Variants in ZNF713 observed in about 807,000 individuals in gnomAD.
ZNF713 encodes zinc finger protein 713.
ZNF713 carries 21 observed loss-of-function variants against 28.7 expected under a neutral mutation model. The observed-to-expected ratio is 0.73, with a 90% CI of 0.52 to 1.05. The LOEUF (loss-of-function observed/expected upper bound fraction) is 1.05. Ranked by LOEUF, ZNF713 falls within the 50% of genes least tolerant of loss-of-function variation. ZNF713 has a pLI of 0.00. For missense variants in ZNF713, 458 were observed against 532.4 expected (o/e 0.86, Z 1.37); for synonymous variants, 167 against 178.0 (o/e 0.94, Z 0.49).
intron 6 of ZNF713, chr7:55,924,761 G>C (rs575725599): frequency 7.2e-5 from 11 of 152,336 alleles, no homozygotes; most frequent in African/African-American, 2.6e-4. Context: ...TGTAGGCCCA[G>C]CTACTTGGGA....
At chr7:55,919,917 A>T (rs1050160728) in intron 4 of ZNF713, among the ~76,000 whole-genome samples, 21 of 151,946 alleles carry the variant, frequency 1.4e-4, no homozygotes, top group Admixed American at 1.1e-3. Context: ...CAGAACGTGC[A>T]AGTTTGTTAC....
chr7:55,932,728 C>CA (rs34244164), intron 6 of ZNF713, among the ~76,000 whole-genome samples: 3,171 of 145,812 alleles, frequency 0.022, 53 homozygotes, highest in African/African-American at 0.041. Context: ...ACTAAAAATA[C>CA]AAAAAATTAG....
At chr7:55,938,211 C>CA (rs1021551754) in intron 6 of ZNF713, among the ~76,000 whole-genome samples, 9 of 150,946 alleles carry the variant, frequency 6.0e-5, no homozygotes, top group Non-Finnish European at 8.9e-5. Flanking sequence ...GACTCCATCT[C>CA]AAAAAAACAA....
At chr7:55,898,431 C>G (rs1008739124) in intron 1 of ZNF713, among the ~76,000 whole-genome samples, 12 of 152,174 alleles carry the variant, frequency 7.9e-5, no homozygotes, top group Admixed American at 3.9e-4. Flanking sequence ...GATTCCTGTA[C>G]AGGCTGTACA....
Position 55,940,581 on chromosome 7 carries a change from A to T in ZNF713, c.*575A>T, listed in dbSNP as rs549417309. ...AATCTGATATAAAACTTTTTAAAAA[A>T]TCAGAAGTCCTTATCCAGGCATGGT... On this transcript the variant is annotated 3_prime_UTR_variant, in exon 7 of 7. Transcript: ENST00000429591. The T allele has an allele frequency of 2.0e-6, 2 of 978,644 alleles. No individual in the cohort carries two copies. The highest frequency in any genetic ancestry group is 1.0e-3 in the Middle Eastern group (2 of 1,906). 60.6% of individuals were successfully genotyped at this position (978,644 alleles called of 1,614,324 possible). A position where few individuals can be genotyped will look rare whatever the true frequency, so the allele number is the denominator to read the frequency against.
At chr7:55,927,059 T>A (rs967893758) in intron 6 of ZNF713, among the ~76,000 whole-genome samples, 1 of 152,104 alleles carries the variant, frequency 6.6e-6, no homozygotes. Context: ...GGAGAATCAC[T>A]TGAACCTGGG....
At chr7:55,905,653 C>CAGGGCACTCTAAACAAAATG (rs2116198539) in intron 1 of ZNF713, among the ~76,000 whole-genome samples, 1 of 152,204 alleles carries the variant, frequency 6.6e-6, no homozygotes, top group South Asian at 2.1e-4. Flanking sequence ...TTGCAGGGCG[C>CAGGGCACTCTAAACAAAATG]ACATGTTTAG....
At chr7:55,907,012 G>A (rs1785690873) in intron 2 of ZNF713, among the ~76,000 whole-genome samples, 1 of 152,122 alleles carries the variant, frequency 6.6e-6, no homozygotes, top group African/African-American at 2.4e-5. Flanking sequence ...TTAATTAAAA[G>A]CCTATATTTA....
In ZNF713 at chr7:55,892,202, C is replaced by T. The variant is rs1047869584; in HGVS notation, c.-583+4522C>T. On this transcript the variant is annotated intron_variant, in intron 1 of 6. Transcript: ENST00000429591. ...CTGAGGCTGGAGAATGGCGTGAACCCGGGAGGCGGAGTTTGCAGTGAGCCG... is the reference window on the plus strand; with the variant it reads ...CTGAGGCTGGAGAATGGCGTGAACCTGGGAGGCGGAGTTTGCAGTGAGCCG... Among the ~76,000 whole-genome samples the T allele has an allele frequency of 9.3e-5, 13 of 139,680 alleles. No homozygotes were observed. In the South Asian group the frequency reaches 2.2e-3, roughly 23 times the overall value. 91.6% of individuals were successfully genotyped at this position (139,680 alleles called of 152,430 possible). A position where few individuals can be genotyped will look rare whatever the true frequency, so the allele number is the denominator to read the frequency against.
At chr7:55,893,665 C>T (rs567934985) in intron 1 of ZNF713, among the ~76,000 whole-genome samples, 53 of 152,126 alleles carry the variant, frequency 3.5e-4, no homozygotes, top group South Asian at 6.2e-4. Flanking sequence ...CTGCAACCTC[C>T]GCCTCCCGGG....
intron 6 of ZNF713, among the ~76,000 whole-genome samples, chr7:55,935,699 A>C (rs1254054242): frequency 6.6e-6 from 1 of 152,152 alleles, no homozygotes; most frequent in Non-Finnish European, 1.5e-5. Flanking sequence ...CACGCCTGTA[A>C]TCCCAGCACT....
chr7:55,903,673 AAAAAAC>A (rs1469198126), intron 1 of ZNF713, among the ~76,000 whole-genome samples: 3 of 151,344 alleles, frequency 2.0e-5, no homozygotes, highest in African/African-American at 4.9e-5. Flanking sequence ...TCTTAAAAAA[AAAAAAC>A]AAAAAAAAAC....
In ZNF713 at chr7:55,908,326, A is replaced by G. The variant is rs565050861; in HGVS notation, c.-456+1947A>G. 9.9e-4 allele frequency among the ~76,000 whole-genome samples: 151 copies of G among 152,144 alleles called. 1 individual carries two copies. Among genetic ancestry groups the G allele is most frequent in the Non-Finnish European group, 1.9e-3 (128 of 67,976 alleles). On this transcript the variant is annotated intron_variant, in intron 2 of 6. Transcript: ENST00000429591. Reference sequence around the variant, plus strand: ...CCCGGCTAATTTTTGTATTTTTAGTAGAGACGGGGTTTCACCATGTTGGTC... The same window carrying G: ...CCCGGCTAATTTTTGTATTTTTAGTGGAGACGGGGTTTCACCATGTTGGTC...
intron 1 of ZNF713, among the ~76,000 whole-genome samples, chr7:55,903,720 A>G (rs894270370): frequency 6.6e-6 from 1 of 151,670 alleles, no homozygotes. Context: ...TAAATGAGCA[A>G]CCTCACCTGG....
At chr7:55,934,490 G>A (rs959331293) in intron 6 of ZNF713, among the ~76,000 whole-genome samples, 3 of 152,118 alleles carry the variant, frequency 2.0e-5, no homozygotes, top group Non-Finnish European at 4.4e-5. Context: ...GGTGAAATGA[G>A]TTACATTTCA....
chr7:55,909,909 TTTTTTTCTTATTTTTGA>T (rs527635496), intron 2 of ZNF713, among the ~76,000 whole-genome samples: 47 of 150,556 alleles, frequency 3.1e-4, no homozygotes, highest in African/African-American at 1.2e-3. Flanking sequence ...ATTCTTTTAC[TTTTTTTCTTATTTTTGA>T]ATATATGTAT....
intron 4 of ZNF713, among the ~76,000 whole-genome samples, chr7:55,917,705 A>AC (rs527734256): frequency 2.7e-5 from 2 of 73,070 alleles, no homozygotes; most frequent in Non-Finnish European, 5.2e-5. Context: ...ACCCTGTCTC[A>AC]AAAAAAAAAA....
chr7:55,931,102 CTG>C (rs1786200527), intron 6 of ZNF713, among the ~76,000 whole-genome samples: 1 of 151,984 alleles, frequency 6.6e-6, no homozygotes, highest in Non-Finnish European at 1.5e-5. Context: ...CCTGACCAAC[CTG>C]ATGAAACCCT....
chr7:55,902,873 A>G (rs1240935378), intron 1 of ZNF713, among the ~76,000 whole-genome samples: 2 of 151,918 alleles, frequency 1.3e-5, no homozygotes, highest in Non-Finnish European at 2.9e-5. Flanking sequence ...GGTGCCTATA[A>G]TCCCAGCTAC....
Sources: allele counts gnomAD v4.1 joint callset (sites outside exome capture counted in the v4.1 genomes callset), GRCh38; gene constraint gnomAD v4.1.1; transcripts MANE v1.5; gene names NCBI Gene and HGNC (gene_info 2026-07-23, HGNC 2026-07-21).